The following ADAMTS17 variants were observed in gnomAD, a reference collection of about 807,000 sequenced individuals.
ADAMTS17 encodes ADAM metallopeptidase with thrombospondin type 1 motif 17, also known as A disintegrin and metalloproteinase with thrombospondin motifs 17.
In ADAMTS17, 113 loss-of-function variants were observed where a neutral mutation model predicts 141.5. That is an observed-to-expected ratio of 0.80 (90% confidence interval 0.69 to 0.93). The LOEUF is 0.93. ADAMTS17 is among the 40% of genes least tolerant of loss of function. The probability of loss-of-function intolerance (pLI) is 0.00; values close to 1 mark genes in which losing one functional copy is unlikely to be tolerated. For missense variants in ADAMTS17, 1,659 were observed against 1,517.9 expected (o/e 1.09, Z -1.54); for synonymous variants, 768 against 630.6 (o/e 1.22, Z -3.27).
chr15:100,009,344 C>T (rs1010264360), intron 18 of ADAMTS17, among the ~76,000 whole-genome samples: 1 of 152,070 alleles, frequency 6.6e-6, no homozygotes, highest in Admixed American at 6.5e-5. Context: ...TCATATAATC[C>T]TACTTCCAGC....
chr15:100,327,485 C>T (rs1051001646), intron 3 of ADAMTS17, among the ~76,000 whole-genome samples: 4 of 152,116 alleles, frequency 2.6e-5, no homozygotes, highest in Non-Finnish European at 5.9e-5. Flanking sequence ...CTGCAAAGGC[C>T]AAGGGAAAAT....
intron 18 of ADAMTS17, among the ~76,000 whole-genome samples, chr15:100,019,210 A>C (rs1384814251): frequency 6.6e-6 from 1 of 152,172 alleles, no homozygotes; most frequent in African/African-American, 2.4e-5. Flanking sequence ...ACAACAAACA[A>C]TACTCTCTTC....
chr15:100,275,364 C>CAA (rs2044045760), intron 4 of ADAMTS17, among the ~76,000 whole-genome samples: 1 of 152,202 alleles, frequency 6.6e-6, no homozygotes, highest in Non-Finnish European at 1.5e-5. Flanking sequence ...CCAATGCTGC[C>CAA]TAGTGACAAA....
chr15:100,136,182 T>C (rs2038322511), intron 10 of ADAMTS17, among the ~76,000 whole-genome samples: 1 of 152,200 alleles, frequency 6.6e-6, no homozygotes, highest in Admixed American at 6.5e-5. Context: ...CAAATGCCCA[T>C]CAAGAGCAGA....
intron 18 of ADAMTS17, among the ~76,000 whole-genome samples, chr15:100,009,972 C>T (rs574201090): frequency 3.3e-5 from 5 of 152,108 alleles, no homozygotes; most frequent in African/African-American, 1.2e-4. Context: ...TCCCATGTGT[C>T]GTGGGAGGGA....
chr15:100,158,529 C>T (rs2039542689), intron 8 of ADAMTS17, among the ~76,000 whole-genome samples: 1 of 152,158 alleles, frequency 6.6e-6, no homozygotes, highest in Non-Finnish European at 1.5e-5. Flanking sequence ...AATTGCAATG[C>T]TGTTCAGCAG....
intron 15 of ADAMTS17, among the ~76,000 whole-genome samples, chr15:100,067,695 T>C (rs2033640979): frequency 6.6e-6 from 1 of 152,164 alleles, no homozygotes. Flanking sequence ...TCAGATCAGA[T>C]CAATCCCTTG....
chr15:100,097,080 C>A (rs1292409748), intron 14 of ADAMTS17, among the ~76,000 whole-genome samples: 1 of 152,176 alleles, frequency 6.6e-6, no homozygotes, highest in East Asian at 1.9e-4. Flanking sequence ...CGTCTGAGAG[C>A]AGAGGAGAGG....
At chr15:100,146,819 C>T (rs1231929147) in intron 10 of ADAMTS17, among the ~76,000 whole-genome samples, 2 of 56,676 alleles carry the variant, frequency 3.5e-5, no homozygotes, top group African/African-American at 9.1e-5. Context: ...CTCTTATGGT[C>T]GAGACTGCAG....
chr15:100,023,837 A>C (rs1343757082), intron 18 of ADAMTS17, among the ~76,000 whole-genome samples: 1 of 152,152 alleles, frequency 6.6e-6, no homozygotes, highest in Non-Finnish European at 1.5e-5. Flanking sequence ...GGCTATTCTC[A>C]CTCACTTTAG....
chr15:100,115,140 G>C (rs908326658), intron 13 of ADAMTS17, among the ~76,000 whole-genome samples: 10 of 152,164 alleles, frequency 6.6e-5, no homozygotes, highest in African/African-American at 2.4e-4. Flanking sequence ...TGAAGGTTCG[G>C]ATTCAAGGCT....
At chr15:100,331,173 GTT>G in intron 2 of ADAMTS17, 119 bp from the exon 3 acceptor site, 1 of 1,298,832 alleles carries the variant, frequency 7.7e-7, no homozygotes, top group Non-Finnish European at 1.1e-6. Flanking sequence ...GTCTGGGCTC[GTT>G]TCTTTGCAGA....
At chr15:100,131,928 C>T (rs569746307) in intron 12 of ADAMTS17, 79 bp downstream of exon 12, 1 of 1,605,396 alleles carries the variant, frequency 6.2e-7, no homozygotes, top group Admixed American at 1.7e-5. Context: ...ACAGACCCTG[C>T]TTTGTGTGAG....
chr15:100,065,957 T>A (rs890210443), intron 15 of ADAMTS17, among the ~76,000 whole-genome samples: 2 of 152,228 alleles, frequency 1.3e-5, no homozygotes, highest in African/African-American at 4.8e-5. Flanking sequence ...CTCCCACTTA[T>A]GAGTGAGAAC....
rs905718659 is a variant in ADAMTS17, at chr15:99,987,143, G to C, written c.2949+5905C>G. 3.3e-5 allele frequency among the ~76,000 whole-genome samples: 5 copies of C among 152,334 alleles called. No individual in the cohort carries two copies. The East Asian group carries it at 9.7e-4, about 29-fold the overall frequency. ...CAGCTAGCACCTGCAGCATGCTCTT[G>C]GACTGGCCCATTCCTCACCTCCTTG... On this transcript the variant is annotated intron_variant, in intron 20 of 21. Coordinates refer to ENST00000268070, the MANE Select transcript of ADAMTS17 (RefSeq NM_139057.4).
chr15:100,131,896 A>G (rs2038063209), intron 12 of ADAMTS17, 111 bp downstream of exon 12: 1 of 1,536,478 alleles, frequency 6.5e-7, no homozygotes, highest in East Asian at 2.3e-5. Context: ...CATTTTCCAT[A>G]TCTTCTAATG....
chr15:100,014,548 G>C (rs1311908487), intron 18 of ADAMTS17, among the ~76,000 whole-genome samples: 1 of 152,114 alleles, frequency 6.6e-6, no homozygotes, highest in African/African-American at 2.4e-5. Flanking sequence ...CAGAGATTTT[G>C]ACAGGTTGTG....
At chr15:100,192,948 G>A (rs868860725) in intron 8 of ADAMTS17, among the ~76,000 whole-genome samples, 4 of 151,792 alleles carry the variant, frequency 2.6e-5, no homozygotes, top group South Asian at 2.1e-4. Flanking sequence ...ATTCCTTCAC[G>A]TTCTGAGCTG....
intron 8 of ADAMTS17, among the ~76,000 whole-genome samples, chr15:100,157,680 C>T (rs1596134412): frequency 6.6e-6 from 1 of 152,148 alleles, no homozygotes; most frequent in East Asian, 1.9e-4. Context: ...AAAGAAAGTG[C>T]CAAAAAAATA....
Sources: allele counts gnomAD v4.1 joint callset (sites outside exome capture counted in the v4.1 genomes callset), GRCh38; gene constraint gnomAD v4.1.1; transcripts MANE v1.5; gene names NCBI Gene and HGNC (gene_info 2026-07-23, HGNC 2026-07-21).